Variants in DCLK2 observed in about 807,000 individuals in gnomAD.
DCLK2 encodes the protein doublecortin like kinase 2, also known as serine/threonine-protein kinase DCLK2.
In DCLK2, 31 loss-of-function variants were observed where a neutral mutation model predicts 78.4. That is an observed-to-expected ratio of 0.40 (90% CI 0.30 to 0.53). The LOEUF (loss-of-function observed/expected upper bound fraction) is 0.53, where lower values mean the gene tolerates loss of function less well. DCLK2 is among the 20% of genes least tolerant of loss of function. The pLI is 0.61. For missense variants in DCLK2, 872 were observed against 973.7 expected (o/e 0.90, Z 1.39); for synonymous variants, 407 against 374.9 (o/e 1.09, Z -0.99).
intron 5 of DCLK2, among the ~76,000 whole-genome samples, chr4:150,205,647 G>T (rs1186904577): frequency 6.6e-6 from 1 of 152,216 alleles, no homozygotes; most frequent in Non-Finnish European, 1.5e-5. Flanking sequence ...ATTATTTTCA[G>T]ATTTTTCTCC....
chr4:150,165,330 G>A (rs764950843), intron 2 of DCLK2, among the ~76,000 whole-genome samples: 4 of 152,130 alleles, frequency 2.6e-5, no homozygotes, highest in African/African-American at 4.8e-5. Flanking sequence ...AATGCCATGC[G>A]TGTTTGCTAA....
chr4:150,241,477 GT>G (rs1364931936), intron 12 of DCLK2, among the ~76,000 whole-genome samples: 1 of 152,170 alleles, frequency 6.6e-6, no homozygotes, highest in Non-Finnish European at 1.5e-5. Flanking sequence ...TTTCTTCTGA[GT>G]TTTCTTGACC....
intron 2 of DCLK2, among the ~76,000 whole-genome samples, chr4:150,172,687 G>C (rs1389227651): frequency 1.5e-5 from 2 of 137,782 alleles, no homozygotes; most frequent in Non-Finnish European, 3.1e-5. Flanking sequence ...GTGAGACCCA[G>C]AATAGTTGAT....
intron 2 of DCLK2, among the ~76,000 whole-genome samples, chr4:150,105,953 C>G (rs1731220665): frequency 6.6e-6 from 1 of 152,150 alleles, no homozygotes; most frequent in African/African-American, 2.4e-5. Flanking sequence ...ATATCCACTA[C>G]TACTTCCTCA....
intron 13 of DCLK2, 33 bp from the exon 14 acceptor site, chr4:150,248,272 C>T (rs760176841): frequency 2.5e-6 from 4 of 1,585,600 alleles, no homozygotes; most frequent in African/African-American, 1.3e-5. Flanking sequence ...CCTTTCTCCT[C>T]CTCTGTGGTC....
At chr4:150,198,958 G>T in intron 4 of DCLK2, 1 of 992,814 alleles carries the variant, frequency 1.0e-6, no homozygotes, top group South Asian at 1.5e-5. Context: ...CCTTTTGAAC[G>T]CACATTTAGA....
At chr4:150,080,027 T>G (rs1270778617) in intron 1 of DCLK2, among the ~76,000 whole-genome samples, 12 of 151,834 alleles carry the variant, frequency 7.9e-5, no homozygotes, top group African/African-American at 2.9e-4. Context: ...TCGAAAAATA[T>G]GGGACCCTGA....
chr4:150,083,264 G>A (rs77416757), intron 1 of DCLK2, among the ~76,000 whole-genome samples: 4 of 152,136 alleles, frequency 2.6e-5, no homozygotes, highest in Admixed American at 2.6e-4. Context: ...AGAGCTACCT[G>A]TGTCTGCCTC....
chr4:150,240,580 A>T (rs1345061193), intron 12 of DCLK2, 104 bp downstream of exon 12: 2 of 511,984 alleles, frequency 3.9e-6, no homozygotes, highest in Non-Finnish European at 6.1e-6. Context: ...GTCATTAAAA[A>T]TGCCAGTTAA....
At position 150,239,673 on chromosome 4, in the gene DCLK2, T is replaced by G. The variant is rs529438214; in HGVS notation, c.1567-69T>G. On this transcript the variant is annotated intron_variant, in intron 10 of 15. Coordinates refer to ENST00000296550, the MANE Select transcript of DCLK2 (RefSeq NM_001040260.4). ...ATGTATTTGTGTCCTTTCTGCCTAA[T>G]TCCAAGAGCCCTCTCACAATTGTTG... is the stretch of plus-strand genomic sequence containing the variant. 3.8e-6 allele frequency: 6 copies of G among 1,576,198 alleles called. No homozygotes were observed. In the Admixed American group the frequency reaches 9.0e-5, roughly 24 times the overall value.
At chr4:150,125,129 T>C (rs531392284) in intron 2 of DCLK2, among the ~76,000 whole-genome samples, 2 of 152,316 alleles carry the variant, frequency 1.3e-5, no homozygotes, top group South Asian at 4.1e-4. Flanking sequence ...CATCTTGTGG[T>C]AGGTATATGG....
At chr4:150,185,406 T>C (rs1445256633) in intron 2 of DCLK2, among the ~76,000 whole-genome samples, 4 of 151,338 alleles carry the variant, frequency 2.6e-5, no homozygotes, top group Non-Finnish European at 4.4e-5. Context: ...AGCCAGATCA[T>C]ATCATGCATA....
At chr4:150,080,440 T>C (rs991139130) in intron 1 of DCLK2, among the ~76,000 whole-genome samples, 1 of 152,208 alleles carries the variant, frequency 6.6e-6, no homozygotes, top group Admixed American at 6.5e-5. Context: ...TTTCCAGTTC[T>C]AAATAACATC....
At chr4:150,206,622 A>G (rs1739862573) in intron 5 of DCLK2, among the ~76,000 whole-genome samples, 1 of 152,156 alleles carries the variant, frequency 6.6e-6, no homozygotes, top group Non-Finnish European at 1.5e-5. Context: ...TAGTTCTGTT[A>G]ACTTGCCGAA....
chr4:150,099,196 A>G (rs985843935), intron 1 of DCLK2, among the ~76,000 whole-genome samples: 25 of 152,174 alleles, frequency 1.6e-4, no homozygotes, highest in Non-Finnish European at 2.9e-5. Flanking sequence ...TCAATCTTGC[A>G]GGTGCATAGT....
chr4:150,252,339 G>C (rs1423175914), intron 15 of DCLK2, among the ~76,000 whole-genome samples: 1 of 152,190 alleles, frequency 6.6e-6, no homozygotes, highest in African/African-American at 2.4e-5. Flanking sequence ...AAGAGAGATT[G>C]GTTAGGATCA....
At position 150,193,435 on chromosome 4, in the gene DCLK2, GAAAGAA is replaced by G. The variant is rs201310712; in HGVS notation, c.859+208_859+213del. ...ATTTGCCTACTTATAAAAAAAGAAA[GAAAGAA>G]AAAGAAAAAGAATAACCCAATGCCT... On this transcript the variant is annotated intron_variant, in intron 3 of 15. Transcript: ENST00000296550. Among the ~76,000 whole-genome samples the G allele has an allele frequency of 9.4e-3, 1,435 of 152,164 alleles. 24 individuals carry two copies. The highest frequency in any genetic ancestry group is 0.033 in the African/African-American group (1,362 of 41,506).
intron 4 of DCLK2, among the ~76,000 whole-genome samples, chr4:150,202,055 C>T (rs142970051): frequency 6.6e-6 from 1 of 152,244 alleles, no homozygotes; most frequent in African/African-American, 2.4e-5. Flanking sequence ...TTACAATTAG[C>T]CTGCACCTAA....
At chr4:150,191,867 C>T (rs1738478712) in intron 2 of DCLK2, among the ~76,000 whole-genome samples, 1 of 152,134 alleles carries the variant, frequency 6.6e-6, no homozygotes, top group South Asian at 2.1e-4. Flanking sequence ...GTAGTGAGAC[C>T]TCTTTTTTTC....
Sources: allele counts gnomAD v4.1 joint callset (sites outside exome capture counted in the v4.1 genomes callset), GRCh38; gene constraint gnomAD v4.1.1; transcripts MANE v1.5; gene names NCBI Gene and HGNC (gene_info 2026-07-23, HGNC 2026-07-21).